Variants in DAPK1 observed in about 807,000 individuals in gnomAD.
The protein encoded by DAPK1 is death associated protein kinase 1, also known as death-associated protein kinase 1.
In DAPK1, 56 loss-of-function variants were observed where a neutral mutation model predicts 144.9. That is an observed-to-expected ratio of 0.39 (90% CI 0.31 to 0.48). The LOEUF is 0.48. DAPK1 is among the 20% of genes least tolerant of loss of function. The pLI is 0.95. For missense variants in DAPK1, 1,454 were observed against 1,875.4 expected, an observed-to-expected ratio of 0.78 and a Z score of 4.15; for synonymous variants, 690 against 749.0, an observed-to-expected ratio of 0.92 and a Z score of 1.29.
chr9:87,664,511 C>T (rs1369147936), intron 18 of DAPK1, among the ~76,000 whole-genome samples: 1 of 152,224 alleles, frequency 6.6e-6, no homozygotes, highest in Non-Finnish European at 1.5e-5. Flanking sequence ...TCAACATTCA[C>T]CTCCAGCCCA....
intron 2 of DAPK1, among the ~76,000 whole-genome samples, chr9:87,590,369 C>CAAAAAAAAAAAAA (rs200588801): frequency 3.5e-5 from 3 of 85,722 alleles, no homozygotes; most frequent in African/African-American, 1.2e-4. Flanking sequence ...TCATTGGCCT[C>CAAAAAAAAAAAAA]AAAAAAAAAA....
At chr9:87,575,831 T>A (rs1413152620) in intron 2 of DAPK1, among the ~76,000 whole-genome samples, 3 of 152,106 alleles carry the variant, frequency 2.0e-5, no homozygotes, top group African/African-American at 7.2e-5. Context: ...AACCTAATCA[T>A]CCCAAACTCA....
chr9:87,636,870 G>A (rs898911634), intron 3 of DAPK1, among the ~76,000 whole-genome samples: 3 of 152,026 alleles, frequency 2.0e-5, no homozygotes, highest in Non-Finnish European at 4.4e-5. Context: ...GCCATTCATC[G>A]CTATCGTGGA....
intron 3 of DAPK1, among the ~76,000 whole-genome samples, chr9:87,611,419 G>C (rs887236244): frequency 6.6e-6 from 1 of 152,144 alleles, no homozygotes; most frequent in Non-Finnish European, 1.5e-5. Context: ...CTGAGTAGGT[G>C]GGACTGGGGT....
intron 19 of DAPK1, among the ~76,000 whole-genome samples, chr9:87,672,133 T>C (rs1173406420): frequency 1.3e-5 from 2 of 152,168 alleles, no homozygotes; most frequent in African/African-American, 2.4e-5. Context: ...CTGCACACAG[T>C]AAGCACCACG....
intron 2 of DAPK1, among the ~76,000 whole-genome samples, chr9:87,520,788 C>A (rs1825268439): frequency 6.6e-6 from 1 of 152,162 alleles, no homozygotes; most frequent in African/African-American, 2.4e-5. Context: ...TGCGTACATA[C>A]ATAGGTATAT....
intron 21 of DAPK1, among the ~76,000 whole-genome samples, chr9:87,694,389 C>G (rs1212878651): frequency 1.3e-5 from 2 of 152,132 alleles, no homozygotes; most frequent in African/African-American, 4.8e-5. Flanking sequence ...TATTCAGGCT[C>G]TTAGGGGATT....
chr9:87,547,195 C>T (rs1826281139), intron 2 of DAPK1, among the ~76,000 whole-genome samples: 1 of 152,096 alleles, frequency 6.6e-6, no homozygotes, highest in South Asian at 2.1e-4. Flanking sequence ...GAAAACCCAA[C>T]ATAGTAGTAA....
At chr9:87,552,207 C>T (rs146245063) in intron 2 of DAPK1, among the ~76,000 whole-genome samples, 1 of 152,206 alleles carries the variant, frequency 6.6e-6, no homozygotes, top group African/African-American at 2.4e-5. Context: ...GGAGGGGATA[C>T]TGCTTGGCAG....
chr9:87,545,831 C>T (rs1160228302), intron 2 of DAPK1, among the ~76,000 whole-genome samples: 4 of 152,158 alleles, frequency 2.6e-5, no homozygotes, highest in Non-Finnish European at 5.9e-5. Flanking sequence ...AGGTGTGAGC[C>T]ACCACACCTG....
Position 87,571,485 on chromosome 9 carries a change from A to ACCCC in DAPK1, c.63-33468_63-33467insCCCC, listed in dbSNP as rs1564000963. On this transcript the variant is annotated intron_variant, in intron 2 of 25. Transcript: ENST00000408954. ...CACACACACACACACCAACACACACACACACACACCCCAACACACACACAC... is the reference window on the plus strand; with the variant it reads ...CACACACACACACACCAACACACACACCCCCACACACACCCCAACACACACACAC... Among the ~76,000 whole-genome samples, 23 of 59,630 alleles carry ACCCC rather than the reference A, an allele frequency of 3.9e-4. 2 individuals carry two copies. Among genetic ancestry groups the ACCCC allele is most frequent in the African/African-American group, 2.0e-3 (23 of 11,542 alleles). The allele number at this position is 59,630 out of a possible 152,430, so 39.1% of individuals were successfully genotyped here.
chr9:87,605,920 A>C (rs907347670), intron 3 of DAPK1, among the ~76,000 whole-genome samples: 4 of 152,156 alleles, frequency 2.6e-5, no homozygotes, highest in Non-Finnish European at 5.9e-5. Context: ...CTTGGGGCGC[A>C]CATCTGCTCT....
rs1825963378 is a variant in DAPK1, at chr9:87,539,422, A to C, written c.62+40283A>C. The stretch of plus-strand genomic sequence containing the variant: ...GAAATACACAATTTATAAGTTTTAA[A>C]TTTCTCACTTTTTTTTTTTTTTTTT... On this transcript the variant is annotated intron_variant, in intron 2 of 25. Coordinates refer to ENST00000408954, the MANE Select transcript of DAPK1 (RefSeq NM_004938.4). Among the ~76,000 whole-genome samples, 2 of 134,238 alleles carry C rather than the reference A, an allele frequency of 1.5e-5. 1 individual carries two copies. Among genetic ancestry groups the C allele is most frequent in the South Asian group, 4.7e-4 (2 of 4,252 alleles). The allele number at this position is 134,238 out of a possible 152,430, so 88.1% of individuals were successfully genotyped here.
intron 2 of DAPK1, among the ~76,000 whole-genome samples, chr9:87,514,931 C>CT (rs1376937023): frequency 6.6e-6 from 1 of 152,186 alleles, no homozygotes; most frequent in African/African-American, 2.4e-5. Flanking sequence ...TCTGTTTTCT[C>CT]TGTTTTTGCT....
chr9:87,572,077 A>G (rs180870487), intron 2 of DAPK1, among the ~76,000 whole-genome samples: 1 of 152,270 alleles, frequency 6.6e-6, no homozygotes, highest in African/African-American at 2.4e-5. Flanking sequence ...AGACTTGCTC[A>G]GCATTGGCAA....
intron 2 of DAPK1, among the ~76,000 whole-genome samples, chr9:87,562,108 G>C (rs916097422): frequency 6.6e-5 from 10 of 152,182 alleles, no homozygotes; most frequent in Non-Finnish European, 1.3e-4. Context: ...GAGAGGGAAG[G>C]GGGTTGTGCA....
At chr9:87,671,123 G>T (rs1043556617) in intron 19 of DAPK1, among the ~76,000 whole-genome samples, 20 of 152,202 alleles carry the variant, frequency 1.3e-4, no homozygotes, top group Admixed American at 5.9e-4. Flanking sequence ...GTTATCTGCA[G>T]CCTGCTTAGA....
intron 20 of DAPK1, among the ~76,000 whole-genome samples, chr9:87,685,311 C>A (rs556639538): frequency 6.6e-6 from 1 of 152,232 alleles, no homozygotes; most frequent in East Asian, 1.9e-4. Context: ...CGTTGGATAC[C>A]CCCATTATCC....
At chr9:87,619,589 C>T (rs904796367) in intron 3 of DAPK1, among the ~76,000 whole-genome samples, 2 of 152,222 alleles carry the variant, frequency 1.3e-5, no homozygotes, top group Non-Finnish European at 2.9e-5. Flanking sequence ...GTAGTCCTCT[C>T]TCATGAGAAC....
Sources: gnomAD v4.1 joint callset for allele counts (sites outside exome capture counted in the v4.1 genomes callset) on GRCh38, gnomAD v4.1.1 for gene constraint, MANE v1.5 for transcripts, NCBI Gene and HGNC (gene_info 2026-07-23, HGNC 2026-07-21) for gene names.